Variants in DOCK1 observed in about 807,000 individuals in gnomAD.
DOCK1 encodes the protein dedicator of cytokinesis 1, also known as dedicator of cytokinesis protein 1.
In DOCK1, 138 loss-of-function variants were observed where a neutral mutation model predicts 262.7. The observed-to-expected ratio is 0.53, with a 90% CI of 0.46 to 0.61. DOCK1 has a LOEUF of 0.61. Ranked by LOEUF, DOCK1 falls within the 20% of genes least tolerant of loss-of-function variation. The pLI is 0.00. For synonymous variants in DOCK1, 866 were observed against 867.4 expected, an observed-to-expected ratio of 1.00 and a Z score of 0.03; for missense variants, 1,908 against 2,370.7, an observed-to-expected ratio of 0.80 and a Z score of 4.05.
At chr10:127,430,849 G>T (rs1398201232) in intron 47 of DOCK1, among the ~76,000 whole-genome samples, 1 of 152,200 alleles carries the variant, frequency 6.6e-6, no homozygotes, top group African/African-American at 2.4e-5. Context: ...GCTGGCTCAA[G>T]GTGGGACGTT....
intron 1 of DOCK1, among the ~76,000 whole-genome samples, chr10:126,957,658 G>T (rs1049720493): frequency 0.056 from 8,554 of 151,946 alleles, 275 homozygotes; most frequent in African/African-American, 0.068. Context: ...AATATATTTC[G>T]TTGTAGATAC....
At chr10:127,084,675 G>A (rs1237308125) in intron 23 of DOCK1, among the ~76,000 whole-genome samples, 1 of 152,224 alleles carries the variant, frequency 6.6e-6, no homozygotes, top group East Asian at 1.9e-4. Context: ...AGGGAATGGA[G>A]CTCAAACTTC....
chr10:127,427,938 T>C (rs72843709), intron 47 of DOCK1, among the ~76,000 whole-genome samples: 7,201 of 152,256 alleles, frequency 0.047, 187 homozygotes, highest in Non-Finnish European at 0.069. Flanking sequence ...ACTCAGCAGG[T>C]GGGAGTCTGG....
chr10:127,176,417 CA>C lies in DOCK1; in HGVS notation c.2847+48655del, dbSNP rs1173658890. ...CCATGGTTCCTGCATTCAGAAACAGCAACAGAGGTGTCAGTGGGACAGAAAT... is the reference window on the plus strand; with the variant it reads ...CCATGGTTCCTGCATTCAGAAACAGCACAGAGGTGTCAGTGGGACAGAAAT... On this transcript the variant is annotated intron_variant, in intron 27 of 51. Transcript: ENST00000623213. This position sits in a 1 kb window ranked among gnomAD's most constrained non-coding sequence, Gnocchi z 4.4. 14 of 1,572,878 alleles carry C rather than the reference CA, an allele frequency of 8.9e-6. No homozygotes were observed. Among genetic ancestry groups the C allele is most frequent in the Non-Finnish European group, 1.0e-5 (12 of 1,159,276 alleles).
intron 27 of DOCK1, among the ~76,000 whole-genome samples, chr10:127,189,905 G>A (rs1319497191): frequency 1.3e-5 from 2 of 152,144 alleles, no homozygotes. Context: ...AGAGATCAAT[G>A]GAGTTGAAGT....
At chr10:127,167,916 C>T (rs2054228461) in intron 27 of DOCK1, among the ~76,000 whole-genome samples, 1 of 152,202 alleles carries the variant, frequency 6.6e-6, no homozygotes, top group African/African-American at 2.4e-5. Flanking sequence ...AATCTTAGCA[C>T]TTGGAGGGTT....
At chr10:127,151,170 TTTAA>T (rs1486488141) in intron 27 of DOCK1, among the ~76,000 whole-genome samples, 5 of 152,184 alleles carry the variant, frequency 3.3e-5, no homozygotes, top group Admixed American at 1.3e-4. Flanking sequence ...ATCGTTAAAC[TTTAA>T]TTATTTCCAT....
intron 23 of DOCK1, among the ~76,000 whole-genome samples, chr10:127,064,638 G>A (rs777961544): frequency 1.8e-4 from 27 of 152,200 alleles, no homozygotes; most frequent in African/African-American, 2.6e-4. Context: ...CGTCACCCCC[G>A]CTCCCCAGGC....
chr10:127,451,245 G>C, intron 51 of DOCK1, 87 bp from the exon 52 acceptor site: 1 of 1,428,338 alleles, frequency 7.0e-7, no homozygotes, highest in Non-Finnish European at 9.6e-7. Flanking sequence ...CTGAGTGGCT[G>C]TGCCAGGTCA....
chr10:127,428,967 GGGTACCA>G (rs2069063150), intron 47 of DOCK1, among the ~76,000 whole-genome samples: 18 of 136,436 alleles, frequency 1.3e-4, no homozygotes, highest in East Asian at 2.4e-4. Flanking sequence ...GTGTGGATTC[GGGTACCA>G]TGTGGATTGG....
At chr10:127,372,641 T>G (rs975949887) in intron 33 of DOCK1, among the ~76,000 whole-genome samples, 6 of 152,186 alleles carry the variant, frequency 3.9e-5, no homozygotes, top group African/African-American at 1.4e-4. Flanking sequence ...AAATTCTTCC[T>G]CTCACTCAGC....
intron 14 of DOCK1, among the ~76,000 whole-genome samples, chr10:127,023,652 G>A (rs1389586599): frequency 6.6e-5 from 10 of 150,658 alleles, no homozygotes; most frequent in Non-Finnish European, 1.5e-4. Context: ...GTAGAGATGG[G>A]GTTTCACCAT....
rs1367250635 is a variant in DOCK1 at position 127,061,693 on chromosome 10, G to A, written c.2362G>A (p.Asp788Asn). The A allele has an allele frequency of 6.2e-7, 1 of 1,600,718 alleles. No homozygotes were observed. The highest frequency in any genetic ancestry group is 1.3e-5 in the African/African-American group (1 of 74,884). The change falls in exon 23 of 52, where the codon GAC becomes AAC. Residue 788 changes from aspartate (D) to asparagine (N), a missense_variant. Coordinates refer to ENST00000623213, the MANE Select transcript of DOCK1 (RefSeq NM_001290223.2). ...NQLYENKGEA[D>N]FVESLLQLFR... ...ACTGTATGAAAACAAGGGAGAGGCT[G>A]ACTTCGTGGAATCTTTGCTGCAGCT...
chr10:127,256,565 C>A (rs1017985031), intron 28 of DOCK1, among the ~76,000 whole-genome samples: 1 of 152,072 alleles, frequency 6.6e-6, no homozygotes, highest in Non-Finnish European at 1.5e-5. Context: ...GCTCAGAGCA[C>A]CTGTCAAGCT....
At chr10:127,109,145 C>T (rs911615195) in intron 24 of DOCK1, among the ~76,000 whole-genome samples, 1 of 152,128 alleles carries the variant, frequency 6.6e-6, no homozygotes, top group Non-Finnish European at 1.5e-5. Flanking sequence ...TAGATTTTAT[C>T]TACTCGTCCC....
intron 16 of DOCK1, among the ~76,000 whole-genome samples, chr10:127,028,850 T>C (rs771008517): frequency 1.3e-5 from 2 of 152,114 alleles, no homozygotes; most frequent in Non-Finnish European, 2.9e-5. Flanking sequence ...ATGGAGGGCA[T>C]GGTGGGGGCC....
chr10:127,250,820 A>AAAAAAG (rs1564934987), intron 28 of DOCK1, among the ~76,000 whole-genome samples: 1 of 133,100 alleles, frequency 7.5e-6, no homozygotes, highest in African/African-American at 2.7e-5. Context: ...AAAAAAAAAA[A>AAAAAAG]AATGACGTTT....
At chr10:127,183,970 TCA>T (rs2133997295) in intron 27 of DOCK1, among the ~76,000 whole-genome samples, 1 of 152,280 alleles carries the variant, frequency 6.6e-6, no homozygotes, top group Admixed American at 6.5e-5. Flanking sequence ...TATCCTTCCC[TCA>T]CAAAGTTTCA....
Position 127,176,302 on chromosome 10 carries a change from G to C in DOCK1, c.2847+48538G>C, listed in dbSNP as rs768460062. 6.2e-7 allele frequency: 1 copy of C among 1,614,136 alleles called. No individual in the cohort carries two copies. The highest frequency in any genetic ancestry group is 8.5e-7 in the Non-Finnish European group (1 of 1,180,040). Reference sequence around the variant, plus strand: ...TTTTTAATCTGCCGGTTGGGGTCCAGGGCGTATTTCATCTCCAGGGCCAGG... The same window carrying C: ...TTTTTAATCTGCCGGTTGGGGTCCACGGCGTATTTCATCTCCAGGGCCAGG... On this transcript the variant is annotated intron_variant, in intron 27 of 51. Transcript: ENST00000623213. The surrounding 1 kb of genome is among the most constrained non-coding windows in gnomAD (Gnocchi z 4.4).
Sources: gnomAD v4.1 joint callset for allele counts (sites outside exome capture counted in the v4.1 genomes callset) on GRCh38, gnomAD v4.1.1 for gene constraint, Gnocchi (gnomAD v3.1) non-coding constraint, MANE v1.5 for transcripts, NCBI Gene and HGNC (gene_info 2026-07-23, HGNC 2026-07-21) for gene names.